The following ACSM3 variants were observed in gnomAD, a reference collection of about 807,000 sequenced individuals.
ACSM3 encodes the protein acyl-coenzyme A synthetase ACSM3, mitochondrial.
A neutral mutation model predicts 74.1 loss-of-function variants in ACSM3; 61 were observed. The observed-to-expected ratio is 0.82, with a 90% CI of 0.67 to 1.02. The LOEUF (loss-of-function observed/expected upper bound fraction) is 1.02, where lower values mean the gene tolerates loss of function less well. ACSM3 is among the 50% of genes least tolerant of loss of function. The probability of loss-of-function intolerance (pLI) is 0.00; values close to 1 mark genes in which losing one functional copy is unlikely to be tolerated. For synonymous variants in ACSM3, 213 were observed against 241.5 expected, an observed-to-expected ratio of 0.88 and a Z score of 1.09; for missense variants, 660 against 697.0, an observed-to-expected ratio of 0.95 and a Z score of 0.60.
At chr16:20,737,365 T>C in intron 1 of ACSM3, 2 of 1,440,326 alleles carry the variant, frequency 1.4e-6, no homozygotes, top group Non-Finnish European at 1.9e-6. Flanking sequence ...TTTGTCTCTG[T>C]TTCTTGTTAA....
chr16:20,709,198 G>A (rs986972270), intron 1 of ACSM3, among the ~76,000 whole-genome samples: 2 of 152,212 alleles, frequency 1.3e-5, no homozygotes, highest in South Asian at 2.1e-4. Context: ...CTTACAGTGA[G>A]CTGAGATGGC....
intron 12 of ACSM3, among the ~76,000 whole-genome samples, chr16:20,794,830 C>T (rs1460744048): frequency 6.6e-6 from 1 of 152,184 alleles, no homozygotes; most frequent in Non-Finnish European, 1.5e-5. Flanking sequence ...GTGACTTGAA[C>T]CCAGCTGTTC....
chr16:20,791,033 AAG>A (rs2080585877), intron 10 of ACSM3: 1 of 1,284,438 alleles, frequency 7.8e-7, no homozygotes, highest in East Asian at 2.4e-5. Context: ...TCTTTTCGGG[AAG>A]AGTGAGAGGG....
chr16:20,729,225 C>T, intron 1 of ACSM3: 1 of 847,588 alleles, frequency 1.2e-6, no homozygotes, highest in Non-Finnish European at 2.0e-6. Context: ...ATCTTTGATT[C>T]CTAGGACAGT....
At chr16:20,676,200 G>C (rs2020266781) in intron 1 of ACSM3, 1 of 152,244 alleles carries the variant, frequency 6.6e-6, no homozygotes, top group Non-Finnish European at 1.5e-5. Context: ...CTCAGGTCTG[G>C]TCACGCCCAA....
At chr16:20,741,233 A>C (rs2152422567) in intron 1 of ACSM3, among the ~76,000 whole-genome samples, 1 of 152,346 alleles carries the variant, frequency 6.6e-6, no homozygotes, top group East Asian at 1.9e-4. Context: ...CAACAGAGCG[A>C]GACCCTGTCT....
chr16:20,775,869 T>C lies in ACSM3; in HGVS notation c.250T>C (p.Trp84Arg). ...AAAGAAACCTTCAAATCCAGCCTTCTGGTGGATCAACAGAAATGGAGAAGA... is the reference window on the plus strand; with the variant it reads ...AAAGAAACCTTCAAATCCAGCCTTCCGGTGGATCAACAGAAATGGAGAAGA... ...AGKKPSNPAFWWINRNGEEMR... is the reference protein window; with the variant it reads ...AGKKPSNPAFRWINRNGEEMR... The change falls in exon 3 of 14, where the codon TGG becomes CGG. Residue 84 changes from tryptophan (W) to arginine (R), a missense_variant. By Grantham distance (101) the Trp-to-Arg change is moderately radical (BLOSUM62 -3). Transcript: ENST00000289416. The C allele has an allele frequency of 3.1e-6, 5 of 1,614,204 alleles. No individual in the cohort carries two copies. Among genetic ancestry groups the C allele is most frequent in the Non-Finnish European group, 2.5e-6 (3 of 1,180,032 alleles).
At chr16:20,739,188 T>C (rs2079896555) in intron 1 of ACSM3, 1 of 1,070,752 alleles carries the variant, frequency 9.3e-7, no homozygotes, top group Non-Finnish European at 1.3e-6. Flanking sequence ...TTTTTTTTTT[T>C]TTCTAAAGAT....
upstream of ACSM3, among the ~76,000 whole-genome samples, chr16:20,760,199 C>G (rs975621557): frequency 6.6e-6 from 1 of 152,158 alleles, no homozygotes; most frequent in African/African-American, 2.4e-5. Context: ...AAATCAAAGT[C>G]TTTTACCCCA....
chr16:20,736,918 T>C, intron 1 of ACSM3: 2 of 1,614,164 alleles, frequency 1.2e-6, no homozygotes, highest in South Asian at 1.1e-5. Context: ...GATCCTTCTG[T>C]GGCTTGACTT....
chr16:20,711,324 G>A lies in ACSM3; in HGVS notation c.-190+36502G>A, dbSNP rs2079743136. On this transcript the variant is annotated intron_variant, in intron 1 of 3. Coordinates refer to the ACSM3 transcript ENST00000561584. The stretch of plus-strand genomic sequence containing the variant: ...CTCTAAAAATCTCTCAGGGATCAGA[G>A]TCTTGTACAATATCATTGGAGAATC... The A allele has an allele frequency of 8.2e-6, 3 of 365,206 alleles. No homozygotes were observed. In the Admixed American group the frequency reaches 1.2e-4, roughly 14 times the overall value. 22.6% of individuals were successfully genotyped at this position (365,206 alleles called of 1,614,324 possible). A position where few individuals can be genotyped will look rare whatever the true frequency, so the allele number is the denominator to read the frequency against.
At position 20,791,987 on chromosome 16, in the gene ACSM3, C is replaced by T. The variant is rs778889873; in HGVS notation, c.1327-15C>T. ...TTGGATTCACCATAACAACAAAATG[C>T]TATTTGTTTTGCAGGATAATCCTTC... On this transcript the variant is annotated splice_polypyrimidine_tract_variant and intron_variant, in intron 10 of 13. Transcript: ENST00000289416. 2 of 1,612,910 alleles carry T rather than the reference C, an allele frequency of 1.2e-6. No homozygotes were observed. The highest frequency in any genetic ancestry group is 3.3e-5 in the Admixed American group (2 of 59,902).
intron 1 of ACSM3, among the ~76,000 whole-genome samples, chr16:20,730,213 G>A (rs2079822162): frequency 6.6e-6 from 1 of 152,138 alleles, no homozygotes; most frequent in Admixed American, 6.5e-5. Flanking sequence ...ACTAAAAAGG[G>A]GGAACAGATA....
intron 1 of ACSM3, chr16:20,741,481 GCC>G: frequency 7.6e-7 from 1 of 1,308,410 alleles, no homozygotes; most frequent in Non-Finnish European, 9.9e-7. Context: ...CTGGCAGCCG[GCC>G]CGCCCGCCCA....
intron 9 of ACSM3, 189 bp downstream of exon 9, chr16:20,786,347 T>G: frequency 8.3e-7 from 1 of 1,200,424 alleles, no homozygotes; most frequent in Non-Finnish European, 1.1e-6. Context: ...ATTTTGCAAA[T>G]ACCCATATTG....
At chr16:20,775,496 C>T (rs1218791055) in intron 2 of ACSM3, among the ~76,000 whole-genome samples, 1 of 152,124 alleles carries the variant, frequency 6.6e-6, no homozygotes, top group East Asian at 1.9e-4. Flanking sequence ...CTGTGCTGAT[C>T]CTGGCCAGCT....
At chr16:20,787,347 C>T (rs763275453) in intron 9 of ACSM3, among the ~76,000 whole-genome samples, 4 of 152,096 alleles carry the variant, frequency 2.6e-5, no homozygotes, top group Non-Finnish European at 5.9e-5. Context: ...ATAGTAAGTT[C>T]GAACCATTTT....
chr16:20,762,605 G>C (rs1259385620), upstream of ACSM3, among the ~76,000 whole-genome samples: 1 of 152,146 alleles, frequency 6.6e-6, no homozygotes, highest in Non-Finnish European at 1.5e-5. Flanking sequence ...GGGAGGCAAG[G>C]CTGGTTCAAT....
At chr16:20,729,856 T>G (rs913689643) in intron 1 of ACSM3, among the ~76,000 whole-genome samples, 2 of 152,154 alleles carry the variant, frequency 1.3e-5, no homozygotes, top group East Asian at 1.9e-4. Flanking sequence ...AGGGTTCATG[T>G]AAGGTTGGCA....
Sources: gnomAD v4.1 joint callset for allele counts (sites outside exome capture counted in the v4.1 genomes callset) on GRCh38, gnomAD v4.1.1 for gene constraint, MANE v1.5 for transcripts, NCBI Gene and HGNC (gene_info 2026-07-23, HGNC 2026-07-21) for gene names.